LAMC3: variants seen among roughly 807,000 people sequenced by gnomAD.
The protein encoded by LAMC3 is laminin subunit gamma-3.
Under a neutral mutation model 173.8 loss-of-function variants are expected in LAMC3, and 128 were observed. That is an observed-to-expected ratio of 0.74 (90% confidence interval 0.64 to 0.85). LAMC3 has a LOEUF of 0.85. Ranked by LOEUF, LAMC3 falls within the 40% of genes least tolerant of loss-of-function variation. The probability of loss-of-function intolerance (pLI) is 0.00; values close to 1 mark genes in which losing one functional copy is unlikely to be tolerated. For synonymous variants in LAMC3, 897 were observed against 909.1 expected (o/e 0.99, Z 0.24); for missense variants, 2,022 against 2,156.0 (o/e 0.94, Z 1.23).
chr9:131,081,099 CT>C (rs1830230466), intron 23 of LAMC3, among the ~76,000 whole-genome samples: 3 of 152,198 alleles, frequency 2.0e-5, no homozygotes, highest in African/African-American at 7.2e-5. Context: ...ACTCTGTTCT[CT>C]GTCTCTGTAG....
intron 7 of LAMC3, among the ~76,000 whole-genome samples, chr9:131,044,476 C>T (rs969591479): frequency 1.3e-5 from 2 of 152,130 alleles, no homozygotes; most frequent in Non-Finnish European, 2.9e-5. Flanking sequence ...TGCCACTGCA[C>T]TCCAGCTTGG....
chr9:131,017,130 G>T (rs1267268142), intron 1 of LAMC3, among the ~76,000 whole-genome samples: 1 of 152,160 alleles, frequency 6.6e-6, no homozygotes, highest in East Asian at 1.9e-4. Context: ...GGAACGAGGT[G>T]GGGGGCTGGC....
At chr9:131,041,869 G>C in intron 7 of LAMC3, 134 bp downstream of exon 7, 3 of 750,338 alleles carry the variant, frequency 4.0e-6, no homozygotes, top group Non-Finnish European at 7.0e-6. Flanking sequence ...GTCACCCTGT[G>C]CCCTTCCTGG....
Position 131,057,046 on chromosome 9 carries a change from C to T in LAMC3, c.2057C>T (p.Ser686Phe). 1 of 1,614,172 alleles carries T rather than the reference C, an allele frequency of 6.2e-7. No homozygotes were observed. The highest frequency in any genetic ancestry group is 8.5e-7 in the Non-Finnish European group (1 of 1,180,024). The change falls in exon 12 of 28, where the codon TCC becomes TTC. Residue 686 changes from serine (S) to phenylalanine (F), a missense_variant. Coordinates refer to ENST00000361069, the MANE Select transcript of LAMC3 (RefSeq NM_006059.4). ...PTGYTGQFCE[S>F]CAPGYKREMP... ...GGCTACACGGGCCAGTTCTGTGAATCCTGTGCTCCGGGATACAAGAGGGAG... is the reference window on the plus strand; with the variant it reads ...GGCTACACGGGCCAGTTCTGTGAATTCTGTGCTCCGGGATACAAGAGGGAG...
intron 2 of LAMC3, 119 bp from the exon 3 acceptor site, chr9:131,031,926 G>T: frequency 6.3e-7 from 1 of 1,576,032 alleles, no homozygotes. Flanking sequence ...CCTGAGCTCG[G>T]CCTGTTCCTG....
At chr9:131,075,621 A>G (rs1305154515) in intron 20 of LAMC3, among the ~76,000 whole-genome samples, 1 of 151,874 alleles carries the variant, frequency 6.6e-6, no homozygotes, top group Non-Finnish European at 1.5e-5. Context: ...CACAAACTCT[A>G]TGTCTCTGTG....
intron 3 of LAMC3, among the ~76,000 whole-genome samples, chr9:131,034,072 C>G (rs1482337775): frequency 6.6e-6 from 1 of 152,200 alleles, no homozygotes; most frequent in Non-Finnish European, 1.5e-5. Flanking sequence ...TGTCAGGGGG[C>G]TTCGGGCCAG....
intron 13 of LAMC3, among the ~76,000 whole-genome samples, chr9:131,062,238 G>A (rs902668851): frequency 4.4e-4 from 67 of 151,884 alleles, no homozygotes; most frequent in African/African-American, 1.5e-3. Context: ...GCGGGCGCCT[G>A]TAGTCCCAGT....
At chr9:131,067,965 T>C in intron 14 of LAMC3, 113 bp from the exon 15 acceptor site, 1 of 1,143,432 alleles carries the variant, frequency 8.7e-7, no homozygotes, top group Non-Finnish European at 1.3e-6. Context: ...CTGGGCTGAA[T>C]GTGCCGTATC....
At chr9:131,047,646 T>C (rs1164045721) in intron 8 of LAMC3, among the ~76,000 whole-genome samples, 1 of 151,162 alleles carries the variant, frequency 6.6e-6, no homozygotes, top group Admixed American at 6.6e-5. Flanking sequence ...GCGGATCACC[T>C]GAGGTCAAGA....
In LAMC3 at chr9:131,087,189, C is replaced by T. The variant is rs561077577; in HGVS notation, c.4231-287C>T. Among the ~76,000 whole-genome samples the T allele has an allele frequency of 5.3e-5, 8 of 152,370 alleles. No homozygotes were observed. In the South Asian group the frequency reaches 1.7e-3, roughly 32 times the overall value. On this transcript the variant is annotated intron_variant, in intron 25 of 27. Transcript: ENST00000361069. ...CAGTAGGGGTCCCCGGGCTTGATCT[C>T]TTGTCATGCCCCTCGGGCTTTGGCC...
intron 12 of LAMC3, among the ~76,000 whole-genome samples, chr9:131,060,731 G>A (rs1483862697): frequency 1.3e-5 from 2 of 152,148 alleles, no homozygotes; most frequent in Non-Finnish European, 2.9e-5. Context: ...GCATGGTCTT[G>A]TTGGACCCTG....
At chr9:131,072,202 A>G (rs929393597) in intron 18 of LAMC3, among the ~76,000 whole-genome samples, 7 of 152,094 alleles carry the variant, frequency 4.6e-5, no homozygotes, top group African/African-American at 1.7e-4. Context: ...GTGAAGTTTT[A>G]TATGTGTAAG....
rs149097750 is a variant in LAMC3, at chr9:131,042,936, C to T, written c.1382+1201C>T. 5.3e-3 allele frequency among the ~76,000 whole-genome samples: 793 copies of T among 150,800 alleles called. 11 individuals are homozygous for T. Among genetic ancestry groups the T allele is most frequent in the Non-Finnish European group, 8.9e-3 (601 of 67,826 alleles). The stretch of plus-strand genomic sequence containing the variant: ...GAGCACCATCAACTCTCCCCTTTCA[C>T]ACCATGGCAGACATCACTGATGGCA... On this transcript the variant is annotated intron_variant, in intron 7 of 27. Transcript: ENST00000361069.
At chr9:131,081,965 G>A in intron 23 of LAMC3, 94 bp from the exon 24 acceptor site, 6 of 830,570 alleles carry the variant, frequency 7.2e-6, no homozygotes, top group Non-Finnish European at 1.0e-5. Context: ...TGATGATTTG[G>A]GCACCCATGT....
intron 20 of LAMC3, among the ~76,000 whole-genome samples, chr9:131,075,562 CAAAA>C (rs35509603): frequency 9.7e-6 from 1 of 102,628 alleles, no homozygotes; most frequent in Non-Finnish European, 2.0e-5. Flanking sequence ...GACTCTGTCT[CAAAA>C]AAAAAAAAAA....
At chr9:131,042,535 C>T (rs1834074820) in intron 7 of LAMC3, among the ~76,000 whole-genome samples, 1 of 152,062 alleles carries the variant, frequency 6.6e-6, no homozygotes, top group South Asian at 2.1e-4. Flanking sequence ...CCCTTTCACA[C>T]CCACAGCAGA....
At chr9:131,069,314 C>T (rs2133318761) in intron 16 of LAMC3, among the ~76,000 whole-genome samples, 1 of 152,272 alleles carries the variant, frequency 6.6e-6, no homozygotes, top group East Asian at 1.9e-4. Context: ...TGCCAGTGTC[C>T]TCATGCCGGC....
chr9:131,021,149 A>G (rs1001265119), intron 1 of LAMC3: 1 of 152,110 alleles, frequency 6.6e-6, no homozygotes, highest in African/African-American at 2.4e-5. Flanking sequence ...AGTTGCAAAA[A>G]TTCTCTCTCC....
Sources: allele counts gnomAD v4.1 joint callset (sites outside exome capture counted in the v4.1 genomes callset), GRCh38; gene constraint gnomAD v4.1.1; transcripts MANE v1.5; gene names NCBI Gene and HGNC (gene_info 2026-07-23, HGNC 2026-07-21).